RBM6: variants seen among roughly 807,000 people sequenced by gnomAD.
RBM6 encodes RNA-binding protein 6.
Under a neutral mutation model 140.4 loss-of-function variants are expected in RBM6, and 23 were observed. The ratio of observed to expected loss-of-function variants is 0.16; its 90% confidence interval spans 0.12 to 0.23. RBM6 has a LOEUF of 0.23. Ranked by LOEUF, RBM6 falls within the 10% of genes least tolerant of loss-of-function variation. The pLI is 1.00. For missense variants in RBM6, 1,139 were observed against 1,386.7 expected (o/e 0.82, Z 2.84); for synonymous variants, 439 against 475.6 (o/e 0.92, Z 1.00).
chr3:50,066,765 T>C (rs113850619), intron 17 of RBM6, among the ~76,000 whole-genome samples: 1,678 of 151,994 alleles, frequency 0.011, 40 homozygotes, highest in African/African-American at 0.039. Flanking sequence ...GAGGCAGAGG[T>C]TGCAGTGAGC....
At position 50,070,455 on chromosome 3, in the gene RBM6, G is replaced by A. The variant is rs1212515171; in HGVS notation, c.3019G>A (p.Gly1007Arg). The change falls in exon 19 of 21, where the codon GGA becomes AGA. Residue 1007 changes from glycine to arginine, a missense_variant and splice_region_variant. By Grantham distance (125) the Gly-to-Arg change is moderately radical (BLOSUM62 -2). Transcript: ENST00000266022. ...LAYLERRERE[G>R]KFKGRGNDRR... is the part of the protein sequence containing the mutation. ...GGTCTGCTCTTCTGCTTACCAACAG[G>A]GAAAGTTTAAAGGAAGAGGAAATGA... is the stretch of plus-strand genomic sequence containing the variant. 1 of 1,613,032 alleles carries A rather than the reference G, an allele frequency of 6.2e-7. No individual in the cohort carries two copies. The highest frequency in any genetic ancestry group is 2.2e-5 in the East Asian group (1 of 44,864).
intron 16 of RBM6, chr3:50,065,711 A>G: frequency 2.2e-6 from 1 of 449,756 alleles, no homozygotes; most frequent in Non-Finnish European, 4.5e-6. Flanking sequence ...ATTATTTAAC[A>G]GTTCTTATAA....
chr3:50,075,351 T>A (rs753966575), intron 20 of RBM6, 21 bp downstream of exon 20: 52 of 1,603,456 alleles, frequency 3.2e-5, no homozygotes, highest in Non-Finnish European at 3.8e-5. Flanking sequence ...TTCCATCTTT[T>A]GGGGGGTGAC....
chr3:50,026,929 T>C (rs953027840), intron 6 of RBM6, among the ~76,000 whole-genome samples: 1 of 149,332 alleles, frequency 6.7e-6, no homozygotes, highest in Non-Finnish European at 1.5e-5. Flanking sequence ...AAAAATAGCA[T>C]AGGTAGGCAT....
Position 50,059,731 on chromosome 3 carries a change from C to T in RBM6, c.2213C>T (p.Ala738Val). Residue 738 changes from alanine (A) to valine (V), a missense_variant, in exon 11 of 21, where the codon GCC becomes GTC. Around this residue, in one of 9 missense-constraint regions of RBM6, gnomAD observed 47 missense variants for 117.6 expected, o/e 0.40. Coordinates refer to ENST00000266022, the MANE Select transcript of RBM6 (RefSeq NM_005777.3). ...GGGAAGATGGTAGCTGTAAACCTGG[C>T]CACTGGAAAACGAAGGTAAGGCAGA... ...IDGKMVAVNL[A>V]TGKRRNDSGD... 1 of 1,613,452 alleles carries T rather than the reference C, an allele frequency of 6.2e-7. No individual in the cohort carries two copies. The highest frequency in any genetic ancestry group is 8.5e-7 in the Non-Finnish European group (1 of 1,179,666).
At chr3:49,962,307 C>T (rs928928134) in intron 1 of RBM6, among the ~76,000 whole-genome samples, 13 of 149,120 alleles carry the variant, frequency 8.7e-5, no homozygotes, top group South Asian at 2.1e-4. Flanking sequence ...GGCGTGGTGG[C>T]GGGCGCCTGT....
intron 5 of RBM6, among the ~76,000 whole-genome samples, chr3:49,984,611 ACAT>A (rs1553643586): frequency 1.2e-5 from 1 of 86,100 alleles, no homozygotes; most frequent in Non-Finnish European, 2.6e-5. Flanking sequence ...ACATCACATC[ACAT>A]CGCATCGCAT....
chr3:49,971,627 T>G (rs1380844822), intron 3 of RBM6, among the ~76,000 whole-genome samples: 1 of 151,898 alleles, frequency 6.6e-6, no homozygotes, highest in African/African-American at 2.4e-5. Context: ...AACCTCTGCC[T>G]CCCAGGTTCA....
intron 6 of RBM6, among the ~76,000 whole-genome samples, chr3:50,037,047 A>G (rs943519499): frequency 1.3e-5 from 2 of 151,812 alleles, no homozygotes; most frequent in African/African-American, 2.4e-5. Flanking sequence ...GCCTCCCAAA[A>G]AGCTTCCATT....
intron 5 of RBM6, among the ~76,000 whole-genome samples, chr3:49,987,004 G>T (rs937766796): frequency 5.3e-5 from 8 of 151,772 alleles, no homozygotes; most frequent in African/African-American, 1.5e-4. Context: ...GGCTGGTCTT[G>T]AACTCCTGAG....
intron 1 of RBM6, among the ~76,000 whole-genome samples, chr3:49,945,402 A>AT (rs1461333714): frequency 6.6e-6 from 1 of 151,784 alleles, no homozygotes; most frequent in East Asian, 1.9e-4. Flanking sequence ...TTTATGTATC[A>AT]TTTTTTGAGG....
chr3:50,035,356 G>A (rs2088466730), intron 6 of RBM6, among the ~76,000 whole-genome samples: 1 of 152,070 alleles, frequency 6.6e-6, no homozygotes, highest in South Asian at 2.1e-4. Context: ...AAACTGCCCT[G>A]GAAAAGCCAG....
chr3:49,972,661 C>T (rs1485624112), intron 4 of RBM6, among the ~76,000 whole-genome samples: 1 of 152,092 alleles, frequency 6.6e-6, no homozygotes, highest in African/African-American at 2.4e-5. Context: ...TATAATCACT[C>T]TAAATATTAA....
At chr3:49,948,701 A>C (rs2083598783) in intron 1 of RBM6, among the ~76,000 whole-genome samples, 1 of 147,334 alleles carries the variant, frequency 6.8e-6, no homozygotes, top group Admixed American at 6.8e-5. Context: ...GCAGAGTGAG[A>C]CTCTGTCTCA....
At chr3:50,020,023 A>G (rs1280184352) in intron 6 of RBM6, among the ~76,000 whole-genome samples, 1 of 151,842 alleles carries the variant, frequency 6.6e-6, no homozygotes, top group African/African-American at 2.4e-5. Context: ...AGCTCAAGCA[A>G]CTTTCCCATC....
chr3:50,029,681 C>T (rs897003931), intron 6 of RBM6, among the ~76,000 whole-genome samples: 2 of 151,952 alleles, frequency 1.3e-5, no homozygotes, highest in African/African-American at 4.8e-5. Context: ...TGCAGTGAGC[C>T]GAGATCGTGC....
chr3:50,068,659 C>T (rs573370443), intron 17 of RBM6, 31 bp from the exon 18 acceptor site: 5 of 1,601,398 alleles, frequency 3.1e-6, no homozygotes, highest in Middle Eastern at 3.3e-4. Context: ...GTTTCTTAGA[C>T]CTATACTCAT....
At position 50,076,859 on chromosome 3, in the gene RBM6, G is replaced by A. The variant is rs933033230; in HGVS notation, c.3247-149G>A. On this transcript the variant is annotated intron_variant, in intron 20 of 20. Coordinates refer to ENST00000266022, the MANE Select transcript of RBM6 (RefSeq NM_005777.3). ...AGATCGCACCACTGCACTCTAGCCCGGGCGACAGAGCATGACTCCATCTAA... is the reference window on the plus strand; with the variant it reads ...AGATCGCACCACTGCACTCTAGCCCAGGCGACAGAGCATGACTCCATCTAA... 158 of 672,490 alleles carry A rather than the reference G, an allele frequency of 2.3e-4. 1 individual carries two copies. The highest frequency in any genetic ancestry group is 9.7e-4 in the Middle Eastern group (2 of 2,056). 41.7% of individuals were successfully genotyped at this position (672,490 alleles called of 1,614,324 possible).
intron 6 of RBM6, among the ~76,000 whole-genome samples, chr3:50,047,820 A>T (rs543558884): frequency 6.6e-6 from 1 of 152,178 alleles, no homozygotes; most frequent in East Asian, 1.9e-4. Flanking sequence ...TTCCAAGGAG[A>T]TGTGAGATAG....
Sources: allele counts gnomAD v4.1 joint callset (sites outside exome capture counted in the v4.1 genomes callset), GRCh38; gene constraint gnomAD v4.1.1; regional missense constraint gnomAD v4.1.1; transcripts MANE v1.5; gene names NCBI Gene and HGNC (gene_info 2026-07-23, HGNC 2026-07-21).